Variants in TUSC3 observed in about 807,000 individuals in gnomAD.
The protein encoded by TUSC3 is tumor suppressor candidate 3.
TUSC3 carries 45 observed loss-of-function variants against 44.8 expected under a neutral mutation model. That is an observed-to-expected ratio of 1.00 (90% CI 0.79 to 1.29). TUSC3 has a LOEUF of 1.29. TUSC3 is among the 50% of genes most tolerant of loss of function. TUSC3 has a pLI of 0.00. For missense variants in TUSC3, 519 were observed against 437.9 expected (o/e 1.19, Z -1.65); for synonymous variants, 212 against 152.9 (o/e 1.39, Z -2.85).
chr8:15,762,661 C>T lies in TUSC3; in HGVS notation c.*47-1542C>T, dbSNP rs572087834. On this transcript the variant is annotated intron_variant, in intron 10 of 10. Coordinates refer to ENST00000503731, the MANE Select transcript of TUSC3 (RefSeq NM_006765.4). ...GCTACAAATCCCTAGTTTTAAGTAT[C>T]AGTTCATTTTATGATTAAGGTTTCT... Among the ~76,000 whole-genome samples the T allele has an allele frequency of 2.0e-5, 3 of 152,218 alleles. No homozygotes were observed. The East Asian group carries it at 5.8e-4, about 29-fold the overall frequency.
rs59718417 is a variant in TUSC3 at position 15,526,970 on chromosome 8, T to C, written n.189+43487T>C. On this transcript the variant is annotated intron_variant and non_coding_transcript_variant, in intron 2 of 5. Coordinates refer to the TUSC3 transcript ENST00000503191. ...ATACTAAAGGATAAAGGATTAAGTG[T>C]ATTTTTTGTCATATTCAAATTTTGT... Among the ~76,000 whole-genome samples the C allele has an allele frequency of 9.2e-3, 1,406 of 152,320 alleles. 27 individuals carry two copies. Among genetic ancestry groups the C allele is most frequent in the African/African-American group, 0.031 (1,307 of 41,576 alleles).
intron 1 of TUSC3, among the ~76,000 whole-genome samples, chr8:15,612,275 G>T (rs754590749): frequency 1.3e-5 from 2 of 152,108 alleles, no homozygotes; most frequent in Admixed American, 6.5e-5. Flanking sequence ...CTTGGTTAAA[G>T]ACATGAGACC....
At chr8:15,613,108 T>C (rs2129159767) in intron 1 of TUSC3, among the ~76,000 whole-genome samples, 1 of 149,698 alleles carries the variant, frequency 6.7e-6, no homozygotes, top group South Asian at 2.1e-4. Flanking sequence ...TATGTGTTTG[T>C]GTGTGTGTAC....
At chr8:15,694,227 G>C (rs1809047744) in intron 6 of TUSC3, among the ~76,000 whole-genome samples, 1 of 151,996 alleles carries the variant, frequency 6.6e-6, no homozygotes, top group South Asian at 2.1e-4. Flanking sequence ...CAGATCGCCT[G>C]AGGTCAGGAG....
the TUSC3 span, among the ~76,000 whole-genome samples, chr8:15,841,912 A>C: frequency 6.6e-6 from 1 of 152,194 alleles, no homozygotes; most frequent in East Asian, 1.9e-4. Flanking sequence ...ACCAAATCTA[A>C]GTGCTATCTA....
intron 7 of TUSC3, among the ~76,000 whole-genome samples, chr8:15,735,421 A>T: frequency 6.6e-6 from 1 of 152,240 alleles, no homozygotes; most frequent in East Asian, 1.9e-4. Flanking sequence ...TTTAGCCCAA[A>T]AAAGTTCCTA....
intron 2 of TUSC3, among the ~76,000 whole-genome samples, chr8:15,494,630 T>C (rs1421049408): frequency 1.3e-5 from 2 of 152,192 alleles, no homozygotes; most frequent in African/African-American, 4.8e-5. Context: ...CATTTTCTTA[T>C]CAAGATTTCC....
At chr8:15,562,076 G>C (rs1229084644) in intron 1 of TUSC3, among the ~76,000 whole-genome samples, 2 of 152,136 alleles carry the variant, frequency 1.3e-5, no homozygotes, top group Non-Finnish European at 2.9e-5. Flanking sequence ...GATGGAAATG[G>C]AAAAACAGCA....
At chr8:15,419,721 A>G (rs1799714687) in intron 1 of TUSC3, among the ~76,000 whole-genome samples, 1 of 152,226 alleles carries the variant, frequency 6.6e-6, no homozygotes, top group South Asian at 2.1e-4. Context: ...ATGACTTTAT[A>G]CAGCTTGTCT....
intron 7 of TUSC3, among the ~76,000 whole-genome samples, chr8:15,736,107 A>T (rs1257513778): frequency 5.3e-5 from 8 of 152,110 alleles, no homozygotes; most frequent in African/African-American, 2.4e-5. Flanking sequence ...GTGTGTGGGG[A>T]TATGTAAACA....
At chr8:15,839,498 G>C in the TUSC3 span, among the ~76,000 whole-genome samples, 1 of 147,678 alleles carries the variant, frequency 6.8e-6, no homozygotes, top group Non-Finnish European at 1.5e-5. Flanking sequence ...CTAATATCCA[G>C]AATCTACAAA....
At chr8:15,807,975 C>T in the TUSC3 span, among the ~76,000 whole-genome samples, 1 of 125,380 alleles carries the variant, frequency 8.0e-6, no homozygotes, top group Non-Finnish European at 1.7e-5. Context: ...TGTGATATAA[C>T]CATGTCACAT....
chr8:15,655,335 A>T (rs10111780), intron 3 of TUSC3, among the ~76,000 whole-genome samples: 4,885 of 152,194 alleles, frequency 0.032, 221 homozygotes, highest in African/African-American at 0.11. Context: ...TTCCTCGCGG[A>T]ACACTCCACT....
At chr8:15,603,460 T>C (rs1258618151) in intron 1 of TUSC3, among the ~76,000 whole-genome samples, 2 of 151,648 alleles carry the variant, frequency 1.3e-5, no homozygotes, top group East Asian at 3.9e-4. Flanking sequence ...AATTGGTTAG[T>C]AAGTTTTTGT....
chr8:15,782,665 A>G, the TUSC3 span, among the ~76,000 whole-genome samples: 1 of 152,168 alleles, frequency 6.6e-6, no homozygotes, highest in South Asian at 2.1e-4. Context: ...ATGTACTAAA[A>G]CCATTTGACA....
At position 15,622,394 on chromosome 8, in the gene TUSC3, A is replaced by C. The variant is rs142595994; in HGVS notation, c.139-686A>C. ...GTGATCCTCCCACCTTGGTCTCCCA[A>C]AGTGCTAGGATTACAGGTGTGAGCC... On this transcript the variant is annotated intron_variant, in intron 1 of 10. Coordinates refer to ENST00000503731, the MANE Select transcript of TUSC3 (RefSeq NM_006765.4). Among the ~76,000 whole-genome samples, 823 of 152,018 alleles carry C rather than the reference A, an allele frequency of 5.4e-3. 3 individuals carry two copies. Among genetic ancestry groups the C allele is most frequent in the African/African-American group, 0.018 (744 of 41,430 alleles).
At chr8:15,477,686 A>C (rs1167358782) in intron 1 of TUSC3, among the ~76,000 whole-genome samples, 1 of 152,048 alleles carries the variant, frequency 6.6e-6, no homozygotes, top group East Asian at 1.9e-4. Context: ...TGTGTACTGC[A>C]CTCCAGCCTG....
In TUSC3 at chr8:15,517,522, CAAAAAAAAAAAAAAAAAAAAA is replaced by C. The variant is rs71211049; in HGVS notation, n.189+34053_189+34073del. 1.9e-4 allele frequency among the ~76,000 whole-genome samples: 15 copies of C among 77,554 alleles called. 1 individual carries two copies. The highest frequency in any genetic ancestry group is 1.1e-3 in the South Asian group (2 of 1,876). The allele number at this position is 77,554 out of a possible 152,430, so 50.9% of individuals were successfully genotyped here. A position where few individuals can be genotyped will look rare whatever the true frequency, so the allele number is the denominator to read the frequency against. On this transcript the variant is annotated intron_variant and non_coding_transcript_variant, in intron 2 of 5. Transcript: ENST00000503191. ...GAGCTTCCTAACATTTAGCGTGAGG[CAAAAAAAAAAAAAAAAAAAAA>C]AAAAAAAAAAAAAGCCCACAACATT...
At chr8:15,706,183 A>G (rs1809608700) in intron 6 of TUSC3, among the ~76,000 whole-genome samples, 1 of 152,046 alleles carries the variant, frequency 6.6e-6, no homozygotes, top group Non-Finnish European at 1.5e-5. Context: ...TCAGTAAATA[A>G]TAAATTACTA....
Sources: allele counts gnomAD v4.1 joint callset (sites outside exome capture counted in the v4.1 genomes callset), GRCh38; gene constraint gnomAD v4.1.1; transcripts MANE v1.5; gene names NCBI Gene and HGNC (gene_info 2026-07-23, HGNC 2026-07-21).